KIF4A: variants seen among roughly 807,000 people sequenced by gnomAD.
The protein encoded by KIF4A is chromosome-associated kinesin KIF4A.
A neutral mutation model predicts 105.9 loss-of-function variants in KIF4A; 7 were observed. The observed-to-expected ratio is 0.07, with a 90% CI of 0.04 to 0.12. KIF4A has a LOEUF of 0.12. Ranked by LOEUF, KIF4A falls within the 10% of genes least tolerant of loss-of-function variation. The probability of loss-of-function intolerance (pLI) is 1.00; values close to 1 mark genes in which losing one functional copy is unlikely to be tolerated. For missense variants in KIF4A, 558 were observed against 929.2 expected, an observed-to-expected ratio of 0.60 and a Z score of 5.19; for synonymous variants, 281 against 331.3, an observed-to-expected ratio of 0.85 and a Z score of 1.65.
intron 7 of KIF4A, among the ~76,000 whole-genome samples, chrX:70,314,526 T>C (rs1311568798): frequency 8.9e-6 from 1 of 111,733 alleles, no homozygotes; most frequent in Non-Finnish European, 1.9e-5. Flanking sequence ...GGAAAGATTT[T>C]GGACATGTCA....
chrX:70,406,390 C>T, intron 27 of KIF4A, 36 bp downstream of exon 27: 2 of 1,101,806 alleles, frequency 1.8e-6, no homozygotes, highest in African/African-American at 1.8e-5. Context: ...CTTTGCACAG[C>T]TTAGGTTTGG....
In KIF4A at chrX:70,302,352, A is replaced by G. The variant is rs1434266539; in HGVS notation, c.732A>G (p.Ser244=). ...TGCATCTTGTAGACCTCGCTGGATC[A>G]GAAAGACAGAAGAAAACCAAGGCTG... The part of the protein sequence containing the change: ...SKLHLVDLAG[S]ERQKKTKAEG... The change falls in exon 7 of 31, where the codon TCA becomes TCG. Residue 244 remains serine, a synonymous_variant. Coordinates refer to ENST00000374403, the MANE Select transcript of KIF4A (RefSeq NM_012310.5). The G allele has an allele frequency of 2.5e-6, 3 of 1,210,373 alleles. No homozygotes were observed. Among genetic ancestry groups the G allele is most frequent in the Non-Finnish European group, 3.4e-6 (3 of 895,288 alleles).
In KIF4A at chrX:70,419,983, G is replaced by C. The variant is rs1012088150; in HGVS notation, c.3496-79G>C. 7 of 1,033,221 alleles carry C rather than the reference G, an allele frequency of 6.8e-6. No homozygotes were observed. In the East Asian group the frequency reaches 9.2e-5, roughly 14 times the overall value. The allele number at this position is 1,033,221 out of a possible 1,213,427, so 85.1% of individuals were successfully genotyped here. ...CACTTCATACTACTGGGAGTATGTC[G>C]AGCATCTATAGCAGCTCGGCTGGGC... is the stretch of plus-strand genomic sequence containing the variant. On this transcript the variant is annotated intron_variant, in intron 30 of 30. Coordinates refer to ENST00000374403, the MANE Select transcript of KIF4A (RefSeq NM_012310.5).
intron 20 of KIF4A, among the ~76,000 whole-genome samples, chrX:70,387,767 CT>C (rs1482206697): frequency 1.8e-5 from 2 of 111,351 alleles, no homozygotes; most frequent in Non-Finnish European, 3.8e-5. Context: ...ACTTGGGAGG[CT>C]GAGGGAGGAG....
At chrX:70,393,733 A>G (rs1160441668) in intron 20 of KIF4A, among the ~76,000 whole-genome samples, 3 of 100,021 alleles carry the variant, frequency 3.0e-5, no homozygotes, top group Non-Finnish European at 4.1e-5. Context: ...TTTTTTTGTC[A>G]TGGTGTATTT....
At chrX:70,407,369 A>G (rs1308800203) in intron 28 of KIF4A, among the ~76,000 whole-genome samples, 1 of 111,514 alleles carries the variant, frequency 9.0e-6, no homozygotes, top group Non-Finnish European at 1.9e-5. Context: ...AGTCTCCCAA[A>G]ATGCTAGGAT....
At chrX:70,387,132 A>T (rs2086220676) in intron 19 of KIF4A, 52 bp from the exon 20 acceptor site, 3 of 691,319 alleles carry the variant, frequency 4.3e-6, no homozygotes, top group Non-Finnish European at 6.2e-6. Flanking sequence ...TAGAAATTGG[A>T]TTTTTTTTTT....
intron 13 of KIF4A, among the ~76,000 whole-genome samples, chrX:70,346,252 A>G (rs1245226747): frequency 8.9e-6 from 1 of 111,953 alleles, no homozygotes; most frequent in Non-Finnish European, 1.9e-5. Context: ...GTTAAATTTC[A>G]CAATTATAAT....
chrX:70,296,932 A>G, intron 3 of KIF4A, 66 bp from the exon 4 acceptor site: 1 of 1,046,416 alleles, frequency 9.6e-7, no homozygotes, highest in East Asian at 3.0e-5. Flanking sequence ...TGCTGAAGGA[A>G]ATGGAGTATA....
intron 3 of KIF4A, among the ~76,000 whole-genome samples, chrX:70,295,245 G>A (rs1016316522): frequency 9.0e-6 from 1 of 111,056 alleles, no homozygotes; most frequent in African/African-American, 3.3e-5. Flanking sequence ...GTGCGATCTC[G>A]GTTCACTGTA....
intron 18 of KIF4A, among the ~76,000 whole-genome samples, chrX:70,376,463 A>T (rs1158614565): frequency 8.9e-6 from 1 of 112,155 alleles, no homozygotes; most frequent in Non-Finnish European, 1.9e-5. Flanking sequence ...AGATGGTAAG[A>T]TATAAGCATG....
At chrX:70,315,828 T>C (rs2085867212) in intron 7 of KIF4A, among the ~76,000 whole-genome samples, 1 of 112,109 alleles carries the variant, frequency 8.9e-6, no homozygotes, top group Admixed American at 9.5e-5. Flanking sequence ...TGGGGAAACC[T>C]GGCACACTCA....
chrX:70,385,518 T>C (rs1365277193), intron 18 of KIF4A, among the ~76,000 whole-genome samples: 1 of 112,458 alleles, frequency 8.9e-6, no homozygotes, highest in African/African-American at 3.2e-5. Flanking sequence ...TCTGGTAATC[T>C]CTGTAGGAGT....
chrX:70,295,896 G>A (rs752171413), intron 3 of KIF4A, among the ~76,000 whole-genome samples: 8 of 103,157 alleles, frequency 7.8e-5, no homozygotes, highest in African/African-American at 2.1e-4. Context: ...CAGCCTGGGC[G>A]GCAGAGCGAG....
chrX:70,337,476 G>A (rs755436509), intron 10 of KIF4A, among the ~76,000 whole-genome samples: 1 of 111,412 alleles, frequency 9.0e-6, no homozygotes, highest in East Asian at 2.8e-4. Context: ...TTTAAGACTA[G>A]CCTGGGCAAC....
At chrX:70,344,981 G>A in intron 13 of KIF4A, among the ~76,000 whole-genome samples, 1 of 112,034 alleles carries the variant, frequency 8.9e-6, no homozygotes, top group South Asian at 3.7e-4. Flanking sequence ...GTACTGTAAA[G>A]CTATCATGAG....
chrX:70,402,066 C>T (rs1022481990), intron 22 of KIF4A, among the ~76,000 whole-genome samples: 17 of 111,604 alleles, frequency 1.5e-4, no homozygotes, highest in African/African-American at 5.5e-4. Context: ...ACTTCTCGGT[C>T]TTGTGGCAGG....
In KIF4A at chrX:70,314,118, G is replaced by A. The variant is rs2085860284; in HGVS notation, c.778+11720G>A. 3.6e-5 allele frequency among the ~76,000 whole-genome samples: 4 copies of A among 111,647 alleles called. No individual in the cohort carries two copies. The South Asian group carries it at 1.5e-3, about 42-fold the overall frequency. Reference sequence around the variant, plus strand: ...TCCCTATGAGCTTGCTAAGGTGCTTGTCAACATTTGAGGTAGATTTCGAGG... The same window carrying A: ...TCCCTATGAGCTTGCTAAGGTGCTTATCAACATTTGAGGTAGATTTCGAGG... On this transcript the variant is annotated intron_variant, in intron 7 of 30. Coordinates refer to ENST00000374403, the MANE Select transcript of KIF4A (RefSeq NM_012310.5).
chrX:70,353,651 G>T lies in KIF4A; in HGVS notation c.1518G>T (p.Arg506Ser). 8.3e-7 allele frequency: 1 copy of T among 1,210,592 alleles called. No individual in the cohort carries two copies. Among genetic ancestry groups the T allele is most frequent in the Non-Finnish European group, 1.1e-6 (1 of 895,096 alleles). Reference protein sequence around the residue: ...AQVETSPETSRSSDAFTTQHA... With the variant: ...AQVETSPETSSSSDAFTTQHA... ...TAGAAACCAGTCCAGAGACGAGCAG[G>T]TCTTCTGACGCTTTTACCACTCAGC... Residue 506 changes from arginine to serine, a missense_variant, in exon 15 of 31, where the codon AGG becomes AGT. Arg to Ser is a moderately radical substitution (Grantham distance 110). Around this residue, in one of 2 missense-constraint regions of KIF4A, gnomAD observed 469 missense variants for 680.4 expected, o/e 0.69. Coordinates refer to ENST00000374403, the MANE Select transcript of KIF4A (RefSeq NM_012310.5).
Sources: allele counts gnomAD v4.1 joint callset (sites outside exome capture counted in the v4.1 genomes callset), GRCh38; gene constraint gnomAD v4.1.1; regional missense constraint gnomAD v4.1.1; transcripts MANE v1.5; gene names NCBI Gene and HGNC (gene_info 2026-07-23, HGNC 2026-07-21).